Variants in PPFIA2 observed in about 807,000 individuals in gnomAD.
The protein encoded by PPFIA2 is liprin-alpha-2.
PPFIA2 carries 46 observed loss-of-function variants against 175.5 expected under a neutral mutation model. The ratio of observed to expected loss-of-function variants is 0.26; its 90% confidence interval spans 0.21 to 0.34. The LOEUF is 0.34. Among genes scored for constraint, PPFIA2 ranks in the 10% least tolerant of loss-of-function variants. The pLI is 1.00. For synonymous variants in PPFIA2, 568 were observed against 511.4 expected (o/e 1.11, Z -1.49); for missense variants, 1,179 against 1,506.1 (o/e 0.78, Z 3.60).
chr12:81,284,176 G>A, intron 25 of PPFIA2, 65 bp downstream of exon 25: 1 of 1,248,096 alleles, frequency 8.0e-7, no homozygotes, highest in Non-Finnish European at 1.2e-6. Flanking sequence ...AAACAGATTA[G>A]TTTCCTCATC....
intron 32 of PPFIA2, chr12:81,260,587 G>A (rs1443059797): frequency 6.6e-6 from 1 of 152,162 alleles, no homozygotes; most frequent in Non-Finnish European, 1.5e-5. Context: ...AAATTTTAAT[G>A]TAAGGGTTGT....
intron 3 of PPFIA2, among the ~76,000 whole-genome samples, chr12:81,732,920 A>T: frequency 6.6e-6 from 1 of 151,632 alleles, no homozygotes; most frequent in African/African-American, 2.4e-5. Flanking sequence ...CCAAAATTAA[A>T]CACAGTCAAT....
rs55909659 is a variant in PPFIA2, at chr12:81,605,693, A to ATCTATCTATCTC, written c.303+71097_303+71098insGAGATAGATAGA. ...TATCTATCTATCTATCTATCTATCT[A>ATCTATCTATCTC]ATCTGTCTATAATTTCTCTATCTCT... is the stretch of plus-strand genomic sequence containing the variant. On this transcript the variant is annotated intron_variant, in intron 4 of 32. Coordinates refer to ENST00000549396, the MANE Select transcript of PPFIA2 (RefSeq NM_003625.5). 1.9e-3 allele frequency among the ~76,000 whole-genome samples: 281 copies of ATCTATCTATCTC among 145,652 alleles called. 5 individuals carry two copies. The highest frequency in any genetic ancestry group is 8.6e-3 in the East Asian group (44 of 5,118).
intron 22 of PPFIA2, among the ~76,000 whole-genome samples, chr12:81,324,183 A>G (rs906184118): frequency 1.3e-5 from 2 of 152,094 alleles, no homozygotes; most frequent in African/African-American, 2.4e-5. Context: ...GAGGGTACTT[A>G]GTAGTTGAGA....
intron 9 of PPFIA2, 106 bp downstream of exon 9, chr12:81,383,917 T>G: frequency 1.2e-6 from 1 of 855,966 alleles, no homozygotes; most frequent in Admixed American, 2.8e-5. Context: ...CAAAGTATGG[T>G]CTTTTGAGAA....
At chr12:81,363,056 G>T (rs926314464) in intron 14 of PPFIA2, among the ~76,000 whole-genome samples, 1 of 151,420 alleles carries the variant, frequency 6.6e-6, no homozygotes, top group Admixed American at 6.6e-5. Context: ...GACTAGCTAT[G>T]TAGATGTCAC....
At chr12:81,336,517 A>G (rs1392247820) in intron 21 of PPFIA2, among the ~76,000 whole-genome samples, 1 of 152,214 alleles carries the variant, frequency 6.6e-6, no homozygotes, top group African/African-American at 2.4e-5. Context: ...TCCTTTCCAA[A>G]TATTTCCCTT....
At chr12:81,620,455 TAAACTA>T (rs929441688) in intron 4 of PPFIA2, among the ~76,000 whole-genome samples, 3 of 152,056 alleles carry the variant, frequency 2.0e-5, no homozygotes, top group African/African-American at 7.2e-5. Flanking sequence ...TTTTGGTAAT[TAAACTA>T]TAACTAAAAC....
chr12:81,710,306 TCA>T (rs10555208), intron 3 of PPFIA2, among the ~76,000 whole-genome samples: 97,578 of 151,348 alleles, frequency 0.64, 32,008 homozygotes, highest in East Asian at 0.78. Flanking sequence ...ACACTCTCTC[TCA>T]CACACACACA....
intron 4 of PPFIA2, among the ~76,000 whole-genome samples, chr12:81,625,333 T>G (rs2062572859): frequency 6.6e-6 from 1 of 151,914 alleles, no homozygotes; most frequent in African/African-American, 2.4e-5. Context: ...GTAAGTCAAA[T>G]ATGTCGAGGT....
intron 3 of PPFIA2, among the ~76,000 whole-genome samples, chr12:81,715,545 C>T (rs2078495327): frequency 6.6e-6 from 1 of 151,664 alleles, no homozygotes; most frequent in Admixed American, 6.6e-5. Flanking sequence ...TTTTTCTCAG[C>T]TTTTTTCCCC....
At chr12:81,353,667 A>G (rs1288983919) in intron 16 of PPFIA2, among the ~76,000 whole-genome samples, 2 of 152,116 alleles carry the variant, frequency 1.3e-5, no homozygotes, top group African/African-American at 2.4e-5. Context: ...AAATATAACA[A>G]TCTATTTATT....
At chr12:81,679,952 G>A (rs1210245911) in intron 3 of PPFIA2, among the ~76,000 whole-genome samples, 2 of 152,028 alleles carry the variant, frequency 1.3e-5, no homozygotes, top group African/African-American at 2.4e-5. Flanking sequence ...ATAACTAAAA[G>A]TGAGTCAATA....
intron 7 of PPFIA2, among the ~76,000 whole-genome samples, chr12:81,415,115 A>G (rs1346387360): frequency 7.1e-6 from 1 of 140,466 alleles, no homozygotes; most frequent in Non-Finnish European, 1.6e-5. Flanking sequence ...TCCAGTGAAT[A>G]ATCAAATTGC....
chr12:81,523,558 T>A (rs914930490), intron 4 of PPFIA2, among the ~76,000 whole-genome samples: 3 of 152,178 alleles, frequency 2.0e-5, no homozygotes, highest in Non-Finnish European at 2.9e-5. Flanking sequence ...TACTCCATCC[T>A]TTTTTTCATC....
chr12:81,287,110 G>A (rs1022368953), intron 24 of PPFIA2, among the ~76,000 whole-genome samples: 1 of 151,742 alleles, frequency 6.6e-6, no homozygotes, highest in African/African-American at 2.4e-5. Flanking sequence ...TTCTTGAGTG[G>A]GTATACTGTT....
intron 4 of PPFIA2, among the ~76,000 whole-genome samples, chr12:81,489,725 G>A (rs1427529590): frequency 6.6e-6 from 1 of 151,862 alleles, no homozygotes; most frequent in Admixed American, 6.6e-5. Flanking sequence ...TAGTGTACAA[G>A]CTATACATGA....
chr12:81,271,269 CT>C (rs2039017193), intron 28 of PPFIA2, among the ~76,000 whole-genome samples: 1 of 151,878 alleles, frequency 6.6e-6, no homozygotes, highest in Admixed American at 6.6e-5. Flanking sequence ...CATTAGCTTT[CT>C]TTTTTCTTTT....
At chr12:81,272,538 T>C (rs185902343) in intron 28 of PPFIA2, among the ~76,000 whole-genome samples, 1 of 152,018 alleles carries the variant, frequency 6.6e-6, no homozygotes, top group East Asian at 1.9e-4. Context: ...GTTAAACATA[T>C]TGATTCCAAC....
Sources: gnomAD v4.1 joint callset for allele counts (sites outside exome capture counted in the v4.1 genomes callset) on GRCh38, gnomAD v4.1.1 for gene constraint, MANE v1.5 for transcripts, NCBI Gene and HGNC (gene_info 2026-07-23, HGNC 2026-07-21) for gene names.